The following CFH variants were observed in gnomAD, a reference collection of about 807,000 sequenced individuals.
CFH encodes the protein complement factor H.
CFH carries 53 observed loss-of-function variants against 147.3 expected under a neutral mutation model. That is an observed-to-expected ratio of 0.36 (90% CI 0.29 to 0.45). The LOEUF (loss-of-function observed/expected upper bound fraction) is 0.45, where lower values mean the gene tolerates loss of function less well. Among genes scored for constraint, CFH ranks in the 20% least tolerant of loss-of-function variants. The pLI is 1.00. For synonymous variants in CFH, 536 were observed against 489.4 expected, an observed-to-expected ratio of 1.10 and a Z score of -1.26; for missense variants, 1,380 against 1,498.0, an observed-to-expected ratio of 0.92 and a Z score of 1.30.
At chr1:196,701,495 T>C in intron 9 of CFH, 1 of 1,059,382 alleles carries the variant, frequency 9.4e-7, no homozygotes, top group South Asian at 1.5e-5. Flanking sequence ...TGGGAAATGC[T>C]AATTCAGCTC....
chr1:196,682,458 AATCACC>A (rs2149083751), intron 6 of CFH, among the ~76,000 whole-genome samples: 1 of 151,768 alleles, frequency 6.6e-6, no homozygotes, highest in Admixed American at 6.6e-5. Context: ...GCTTGAGCAT[AATCACC>A]AGAAGTCTTT....
At position 196,741,945 on chromosome 1, in the gene CFH, G is replaced by C. The variant is rs1176218560; in HGVS notation, c.3027G>C (p.Lys1009Asn). The C allele has an allele frequency of 1.2e-6, 2 of 1,614,196 alleles. No individual in the cohort carries two copies. The highest frequency in any genetic ancestry group is 2.2e-5 in the South Asian group (2 of 91,090). Residue 1009 changes from lysine to asparagine, a missense_variant, in exon 19 of 22, where the codon AAG becomes AAC. Transcript: ENST00000367429. Reference protein sequence around the residue: ...IPMGEKKDVYKAGEQVTYTCA... With the variant: ...IPMGEKKDVYNAGEQVTYTCA... ...TGGGAGAGAAGAAGGATGTGTATAA[G>C]GCGGGTGAGCAAGTGACTTACACTT...
At chr1:196,671,291 ATATT>A (rs1667268016) in intron 1 of CFH, among the ~76,000 whole-genome samples, 1 of 152,064 alleles carries the variant, frequency 6.6e-6, no homozygotes, top group Non-Finnish European at 1.5e-5. Flanking sequence ...GTTCTACTGA[ATATT>A]TATTTTCTCT....
chr1:196,733,439 T>A (rs1043855959), intron 15 of CFH, among the ~76,000 whole-genome samples: 1 of 152,112 alleles, frequency 6.6e-6, no homozygotes, highest in African/African-American at 2.4e-5. Flanking sequence ...CTGTGACAGT[T>A]AAGAGTTTTA....
intron 9 of CFH, among the ~76,000 whole-genome samples, chr1:196,695,171 G>A (rs961109472): frequency 1.3e-5 from 2 of 151,936 alleles, no homozygotes; most frequent in Non-Finnish European, 1.5e-5. Context: ...TACATCATGA[G>A]TTAATTTTTA....
chr1:196,696,488 A>C (rs1668276711), intron 9 of CFH, among the ~76,000 whole-genome samples: 1 of 152,284 alleles, frequency 6.6e-6, no homozygotes, highest in African/African-American at 2.4e-5. Flanking sequence ...TATCGCACTA[A>C]ATGCCCACAT....
At chr1:196,722,605 G>A (rs1375373601) in intron 11 of CFH, among the ~76,000 whole-genome samples, 4 of 152,060 alleles carry the variant, frequency 2.6e-5, no homozygotes, top group Admixed American at 1.3e-4. Context: ...GGTGTTATCT[G>A]AGCCTCTTGT....
chr1:196,677,259 C>G (rs34050381), intron 4 of CFH: 8,147 of 482,926 alleles, frequency 0.017, 102 homozygotes, highest in Non-Finnish European at 0.023. Context: ...TAGTAATTTT[C>G]ATTGTCCACT....
chr1:196,727,956 A>G (rs1669186740), intron 14 of CFH, among the ~76,000 whole-genome samples: 1 of 152,154 alleles, frequency 6.6e-6, no homozygotes. Context: ...CTCTTTGATG[A>G]CTAACCGGGA....
At chr1:196,738,537 T>C (rs116723052) in intron 17 of CFH, among the ~76,000 whole-genome samples, 17 of 152,330 alleles carry the variant, frequency 1.1e-4, no homozygotes, top group African/African-American at 3.6e-4. Flanking sequence ...ATATGCTTGA[T>C]GGAAGTCTGA....
intron 15 of CFH, among the ~76,000 whole-genome samples, chr1:196,732,814 A>T (rs1195896255): frequency 6.6e-6 from 1 of 152,016 alleles, no homozygotes; most frequent in Non-Finnish European, 1.5e-5. Context: ...GTATTTACTT[A>T]CTTCTATTTT....
At chr1:196,676,923 A>C (rs1667477172) in intron 4 of CFH, 2 of 152,724 alleles carry the variant, frequency 1.3e-5, no homozygotes, top group East Asian at 1.9e-4. Context: ...GATAGCCCTA[A>C]AATTTTTATT....
chr1:196,709,866 G>A (rs1480669605), intron 9 of CFH, among the ~76,000 whole-genome samples: 2 of 151,962 alleles, frequency 1.3e-5, no homozygotes, highest in Non-Finnish European at 2.9e-5. Flanking sequence ...AAAATTAGCC[G>A]GGCATTATGG....
chr1:196,673,014 T>A lies in CFH; in HGVS notation c.95T>A (p.Ile32Asn). 1.2e-6 allele frequency: 2 copies of A among 1,614,028 alleles called. No homozygotes were observed. Among genetic ancestry groups the A allele is most frequent in the African/African-American group, 1.3e-5 (1 of 75,048 alleles). The change falls in exon 2 of 22, where the codon ATT becomes AAT. Residue 32 changes from isoleucine to asparagine, a missense_variant. Physicochemically the swap from Ile to Asn is moderately radical, Grantham distance 149. This residue lies in a region of CFH where 260 missense variants were observed against 263.3 expected (regional missense o/e 0.99). Transcript: ENST00000367429. The part of the protein sequence containing the change: ...NELPPRRNTE[I>N]LTGSWSDQTY... The stretch of plus-strand genomic sequence containing the variant: ...CTTCCTCCAAGAAGAAATACAGAAA[T>A]TCTGACAGGTTCCTGGTCTGACCAA...
intron 11 of CFH, among the ~76,000 whole-genome samples, chr1:196,718,372 G>T (rs955081180): frequency 6.6e-6 from 1 of 152,102 alleles, no homozygotes; most frequent in African/African-American, 2.4e-5. Flanking sequence ...GGAAGTCATC[G>T]ATGCAAAGAA....
At chr1:196,653,630 T>G (rs1318100564) in intron 1 of CFH, among the ~76,000 whole-genome samples, 4 of 151,998 alleles carry the variant, frequency 2.6e-5, no homozygotes, top group African/African-American at 4.8e-5. Flanking sequence ...TATTAAAAAG[T>G]TGAATTTGAA....
intron 9 of CFH, chr1:196,692,421 C>T (rs369472380): frequency 1.2e-6 from 1 of 809,630 alleles, no homozygotes; most frequent in Non-Finnish European, 1.5e-6. Flanking sequence ...TGCAATTTCT[C>T]CTGATATCAA....
rs748624911 is a variant in CFH, at chr1:196,652,172, G to A, written c.55G>A (p.Glu19Lys). 9 of 1,607,882 alleles carry A rather than the reference G, an allele frequency of 5.6e-6. No homozygotes were observed. Among genetic ancestry groups the A allele is most frequent in the Non-Finnish European group, 7.7e-6 (9 of 1,174,622 alleles). Residue 19 changes from glutamate (E) to lysine (K), a missense_variant, in exon 1 of 22, where the codon GAA (glutamate) becomes AAA (lysine). Glu to Lys is a moderately conservative substitution (Grantham distance 56). Around this residue, in one of 4 missense-constraint regions of CFH, gnomAD observed 260 missense variants for 263.3 expected, o/e 0.99. Transcript: ENST00000367429. Reference protein sequence around the residue: ...CLMLWAICVAEDCNELPPRRN... With the variant: ...CLMLWAICVAKDCNELPPRRN... ...TATGTTATGGGCTATTTGTGTAGCA[G>A]AAGGTAAGATTAAAAGAGACTCTTT...
chr1:196,735,981 T>C (rs144059941), intron 15 of CFH, among the ~76,000 whole-genome samples: 114 of 152,094 alleles, frequency 7.5e-4, no homozygotes, highest in African/African-American at 2.6e-3. Flanking sequence ...GCATACACTA[T>C]GATAGGAGAA....
Sources: allele counts gnomAD v4.1 joint callset (sites outside exome capture counted in the v4.1 genomes callset), GRCh38; gene constraint gnomAD v4.1.1; regional missense constraint gnomAD v4.1.1; transcripts MANE v1.5; gene names NCBI Gene and HGNC (gene_info 2026-07-23, HGNC 2026-07-21).